The following CUL1 variants were observed in gnomAD, a reference collection of about 807,000 sequenced individuals.
CUL1 encodes cullin-1.
A neutral mutation model predicts 118.0 loss-of-function variants in CUL1; 24 were observed. That is an observed-to-expected ratio of 0.20 (90% CI 0.15 to 0.29). The LOEUF (loss-of-function observed/expected upper bound fraction) is 0.29. Ranked by LOEUF, CUL1 falls within the 10% of genes least tolerant of loss-of-function variation. CUL1 has a pLI of 1.00. For synonymous variants in CUL1, 332 were observed against 340.4 expected, an observed-to-expected ratio of 0.98 and a Z score of 0.27; for missense variants, 361 against 933.8, an observed-to-expected ratio of 0.39 and a Z score of 7.99.
At chr7:148,771,705 G>A (rs1387097617) in intron 9 of CUL1, among the ~76,000 whole-genome samples, 1 of 152,236 alleles carries the variant, frequency 6.6e-6, no homozygotes, top group East Asian at 1.9e-4. Flanking sequence ...AATATTCAAG[G>A]ATGAGATTTC....
chr7:148,796,208 T>C (rs1801192675), intron 17 of CUL1, among the ~76,000 whole-genome samples: 1 of 152,220 alleles, frequency 6.6e-6, no homozygotes, highest in African/African-American at 2.4e-5. Context: ...AAGAGTGTTG[T>C]ATTTTGTCAA....
intron 1 of CUL1, among the ~76,000 whole-genome samples, chr7:148,719,033 C>T (rs1001969447): frequency 6.6e-5 from 10 of 152,074 alleles, no homozygotes; most frequent in Non-Finnish European, 1.0e-4. Flanking sequence ...TACTGTTGGC[C>T]GGGCGCAGTG....
chr7:148,704,852 A>G (rs996923272), intron 1 of CUL1, among the ~76,000 whole-genome samples: 2 of 152,072 alleles, frequency 1.3e-5, no homozygotes, highest in African/African-American at 2.4e-5. Flanking sequence ...CAGTGCACAT[A>G]TATTTATAGT....
intron 16 of CUL1, among the ~76,000 whole-genome samples, chr7:148,791,819 G>A (rs910075524): frequency 2.0e-5 from 3 of 152,270 alleles, no homozygotes; most frequent in African/African-American, 7.2e-5. Flanking sequence ...GAGAAGAGAA[G>A]GAAGGCGTCC....
At chr7:148,792,611 T>C (rs1465865858) in intron 16 of CUL1, 115 bp from the exon 17 acceptor site, 1 of 607,064 alleles carries the variant, frequency 1.6e-6, no homozygotes, top group East Asian at 3.0e-5. Context: ...TTTTTGTACT[T>C]GTTTAAAGAA....
chr7:148,744,302 TA>T (rs969787633), intron 2 of CUL1, among the ~76,000 whole-genome samples: 4 of 152,104 alleles, frequency 2.6e-5, no homozygotes, highest in Non-Finnish European at 4.4e-5. Flanking sequence ...TTTCTCCCCT[TA>T]AAAAGTTTCT....
chr7:148,783,899 G>C lies in CUL1; in HGVS notation c.1191+9G>C, dbSNP rs369042023. The C allele has an allele frequency of 1.6e-4, 254 of 1,613,656 alleles. No homozygotes were observed. The highest frequency in any genetic ancestry group is 3.5e-5 in the Non-Finnish European group (41 of 1,179,708). On this transcript the variant is annotated intron_variant, in intron 10 of 21. Transcript: ENST00000325222. ...TGGCTGCTCTTGATAAGGTAGGTGC[G>C]TGAGGGTTGTGACTTGCCTGTAGTA...
chr7:148,778,070 CAAAAA>C (rs1203417069), intron 9 of CUL1, among the ~76,000 whole-genome samples: 12 of 13,792 alleles, frequency 8.7e-4, no homozygotes, highest in Non-Finnish European at 1.1e-3. Context: ...GACCCTGTCT[CAAAAA>C]AAAAAAAAAA....
chr7:148,771,979 T>G (rs543549737), intron 9 of CUL1, among the ~76,000 whole-genome samples: 1 of 152,246 alleles, frequency 6.6e-6, no homozygotes, highest in Non-Finnish European at 1.5e-5. Context: ...GGCTCTTAAT[T>G]TTTCTTATTT....
At chr7:148,723,862 G>C (rs1173975441) in intron 1 of CUL1, among the ~76,000 whole-genome samples, 1 of 151,438 alleles carries the variant, frequency 6.6e-6, no homozygotes, top group African/African-American at 2.4e-5. Flanking sequence ...CTGGTCTCAA[G>C]ATACGTTCAG....
rs1283754153 is a variant in CUL1 at position 148,797,792 on chromosome 7, C to T, written c.1900-20C>T. Reference sequence around the variant, plus strand: ...AAATGCATTTTCCCTTTAACTTCCTCTTTTTCTCTTTAATTGCAGGACATT... The same window carrying T: ...AAATGCATTTTCCCTTTAACTTCCTTTTTTTCTCTTTAATTGCAGGACATT... On this transcript the variant is annotated intron_variant, in intron 17 of 21. Coordinates refer to ENST00000325222, the MANE Select transcript of CUL1 (RefSeq NM_003592.3). The T allele has an allele frequency of 6.2e-7, 1 of 1,602,592 alleles. No individual in the cohort carries two copies. The highest frequency in any genetic ancestry group is 8.5e-7 in the Non-Finnish European group (1 of 1,173,402).
intron 1 of CUL1, among the ~76,000 whole-genome samples, chr7:148,713,569 ATCAAC>A (rs1474608875): frequency 6.6e-6 from 1 of 152,200 alleles, no homozygotes; most frequent in Non-Finnish European, 1.5e-5. Flanking sequence ...TTATTCAAGT[ATCAAC>A]TCTAAGAGAA....
At position 148,792,822 on chromosome 7, in the gene CUL1, T is replaced by G. The variant is rs1801062518; in HGVS notation, c.1899+4T>G. 6.2e-7 allele frequency: 1 copy of G among 1,604,710 alleles called. No homozygotes were observed. The highest frequency in any genetic ancestry group is 8.5e-7 in the Non-Finnish European group (1 of 1,172,916). On this transcript the variant is annotated splice_donor_region_variant and intron_variant, in intron 17 of 21. Coordinates refer to ENST00000325222, the MANE Select transcript of CUL1 (RefSeq NM_003592.3). Reference sequence around the variant, plus strand: ...CGACAGCACTCAAATTAAAATGGTATTCTCATCTCAGGCTCGTTGTTCTAT... The same window carrying G: ...CGACAGCACTCAAATTAAAATGGTAGTCTCATCTCAGGCTCGTTGTTCTAT...
At chr7:148,785,152 T>A (rs1018945034) in intron 11 of CUL1, among the ~76,000 whole-genome samples, 2 of 152,086 alleles carry the variant, frequency 1.3e-5, no homozygotes, top group African/African-American at 4.8e-5. Flanking sequence ...AGTGTTTGAT[T>A]TTTTTTTCCT....
chr7:148,777,233 A>C (rs1395585680), intron 9 of CUL1, among the ~76,000 whole-genome samples: 1 of 152,118 alleles, frequency 6.6e-6, no homozygotes, highest in African/African-American at 2.4e-5. Flanking sequence ...TAGATAGTAG[A>C]TCAGAATCCA....
chr7:148,719,185 C>T (rs1007309990), intron 1 of CUL1, among the ~76,000 whole-genome samples: 1 of 152,112 alleles, frequency 6.6e-6, no homozygotes, highest in African/African-American at 2.4e-5. Context: ...GTGGCGGGCA[C>T]CTATAGTCCC....
At chr7:148,781,108 G>T (rs1800615663) in intron 9 of CUL1, among the ~76,000 whole-genome samples, 3 of 13,932 alleles carry the variant, frequency 2.2e-4, no homozygotes, top group African/African-American at 1.4e-3. Context: ...TTTTGACAGA[G>T]TCTCGCACCG....
At chr7:148,764,972 TG>T (rs1237556941) in intron 7 of CUL1, among the ~76,000 whole-genome samples, 2 of 152,234 alleles carry the variant, frequency 1.3e-5, no homozygotes, top group African/African-American at 4.8e-5. Flanking sequence ...ATATAATAAC[TG>T]CCTCTTATTG....
intron 2 of CUL1, among the ~76,000 whole-genome samples, chr7:148,748,155 CAG>C (rs1205201471): frequency 5.9e-5 from 9 of 151,954 alleles, no homozygotes; most frequent in African/African-American, 1.7e-4. Flanking sequence ...AACATAGAAA[CAG>C]AGTTAAAATA....
Sources: gnomAD v4.1 joint callset for allele counts (sites outside exome capture counted in the v4.1 genomes callset) on GRCh38, gnomAD v4.1.1 for gene constraint, MANE v1.5 for transcripts, NCBI Gene and HGNC (gene_info 2026-07-23, HGNC 2026-07-21) for gene names.